CRADD: variants seen among roughly 807,000 people sequenced by gnomAD.
The protein encoded by CRADD is CARD and death domain containing adaptor protein, also known as death domain-containing protein CRADD.
A neutral mutation model predicts 15.5 loss-of-function variants in CRADD; 9 were observed. The ratio of observed to expected loss-of-function variants is 0.58; its 90% confidence interval spans 0.35 to 1.01. The LOEUF (loss-of-function observed/expected upper bound fraction) is 1.01, where lower values mean the gene tolerates loss of function less well. Ranked by LOEUF, CRADD falls within the 50% of genes least tolerant of loss-of-function variation. The probability of loss-of-function intolerance (pLI) is 0.02; values close to 1 mark genes in which losing one functional copy is unlikely to be tolerated. For synonymous variants in CRADD, 118 were observed against 107.6 expected (o/e 1.10, Z -0.60); for missense variants, 227 against 250.3 (o/e 0.91, Z 0.63).
At chr12:93,738,413 T>A (rs1457170760) in intron 2 of CRADD, 11 of 702,370 alleles carry the variant, frequency 1.6e-5, no homozygotes, top group Non-Finnish European at 2.9e-5. Context: ...GTTGCCATCA[T>A]CAGGCTTCCT....
chr12:93,846,085 A>T (rs1472720920), intron 2 of CRADD, among the ~76,000 whole-genome samples: 9 of 152,214 alleles, frequency 5.9e-5, no homozygotes, highest in Non-Finnish European at 1.2e-4. Flanking sequence ...TGTCCTCAAG[A>T]TTCATCCATG....
intron 2 of CRADD, among the ~76,000 whole-genome samples, chr12:93,698,519 C>G (rs923272528): frequency 5.9e-5 from 9 of 152,170 alleles, no homozygotes; most frequent in Admixed American, 1.3e-4. Flanking sequence ...TCTTCAGGAA[C>G]TAGGAAGAGC....
chr12:93,789,271 A>C (rs558069076), intron 2 of CRADD, among the ~76,000 whole-genome samples: 1 of 151,970 alleles, frequency 6.6e-6, no homozygotes, highest in African/African-American at 2.4e-5. Flanking sequence ...CCTCCAGCGG[A>C]TTGCCTGGGA....
chr12:93,882,729 T>C (rs1958511587), intron 2 of CRADD, among the ~76,000 whole-genome samples: 1 of 152,206 alleles, frequency 6.6e-6, no homozygotes, highest in African/African-American at 2.4e-5. Context: ...TGGATCGACT[T>C]CTGAAGACAG....
rs573737028 is a variant in CRADD at position 93,738,378 on chromosome 12, T to C, written c.298+59306T>C. On this transcript the variant is annotated intron_variant, in intron 2 of 2. Coordinates refer to ENST00000332896, the MANE Select transcript of CRADD (RefSeq NM_003805.5). ...GACAATCTCACCCTAATTTAACCCT[T>C]TGTGGAATTCTTCCATGAGATGCAG... 8.7e-5 allele frequency: 61 copies of C among 702,322 alleles called. No homozygotes were observed. The African/African-American group carries it at 1.0e-3, about 12-fold the overall frequency. The allele number at this position is 702,322 out of a possible 1,614,324, so 43.5% of individuals were successfully genotyped here. A position where few individuals can be genotyped will look rare whatever the true frequency, so the allele number is the denominator to read the frequency against.
rs76438294 is a variant in CRADD, at chr12:93,832,572, C to A, written c.299-17398C>A. On this transcript the variant is annotated intron_variant, in intron 2 of 2. Transcript: ENST00000332896. Reference sequence around the variant, plus strand: ...ATACTCTTTATTACTTAGTAAACAGCAGCAAAGATAATATCAAGGAACCAT... The same window carrying A: ...ATACTCTTTATTACTTAGTAAACAGAAGCAAAGATAATATCAAGGAACCAT... Among the ~76,000 whole-genome samples the A allele has an allele frequency of 5.3e-3, 812 of 152,258 alleles. 5 individuals are homozygous for A. The highest frequency in any genetic ancestry group is 0.018 in the African/African-American group (760 of 41,548).
intron 2 of CRADD, among the ~76,000 whole-genome samples, chr12:93,717,672 C>G (rs1339034014): frequency 6.6e-6 from 1 of 152,170 alleles, no homozygotes; most frequent in African/African-American, 2.4e-5. Flanking sequence ...AGGCATGCAC[C>G]ACCACATCTG....
chr12:93,777,678 A>G (rs547744356), intron 2 of CRADD, among the ~76,000 whole-genome samples: 58 of 152,322 alleles, frequency 3.8e-4, no homozygotes, highest in African/African-American at 1.4e-3. Context: ...GGAAGTTATG[A>G]TTTTAAGTGA....
intron 2 of CRADD, among the ~76,000 whole-genome samples, chr12:93,811,015 T>C (rs189532347): frequency 6.6e-6 from 1 of 150,890 alleles, no homozygotes; most frequent in African/African-American, 2.4e-5. Context: ...TTTAGTTGTT[T>C]CTGGCTTAAG....
intron 2 of CRADD, among the ~76,000 whole-genome samples, chr12:93,692,610 A>G (rs970824653): frequency 1.1e-4 from 17 of 152,194 alleles, no homozygotes; most frequent in Non-Finnish European, 2.9e-5. Flanking sequence ...ATTGCTAACA[A>G]TGAATAGTGT....
intron 2 of CRADD, among the ~76,000 whole-genome samples, chr12:93,702,405 C>G (rs1955859279): frequency 1.3e-5 from 2 of 151,920 alleles, no homozygotes; most frequent in African/African-American, 4.8e-5. Context: ...ACATCATTAA[C>G]TGCCCCACAT....
chr12:93,766,164 C>G (rs1284550318), intron 2 of CRADD, among the ~76,000 whole-genome samples: 1 of 152,128 alleles, frequency 6.6e-6, no homozygotes, highest in Non-Finnish European at 1.5e-5. Flanking sequence ...ATCGTTCATC[C>G]TCTGACAGCT....
chr12:93,786,694 AAT>A (rs1246523005), intron 2 of CRADD, among the ~76,000 whole-genome samples: 1 of 152,206 alleles, frequency 6.6e-6, no homozygotes, highest in Non-Finnish European at 1.5e-5. Context: ...AGTAAAACCA[AAT>A]AGATCTGTCA....
chr12:93,880,666 T>C (rs1359268289), intron 2 of CRADD, among the ~76,000 whole-genome samples: 3 of 150,768 alleles, frequency 2.0e-5, no homozygotes, highest in Non-Finnish European at 4.4e-5. Flanking sequence ...ACCCCTACCA[T>C]GCTTCGAAAG....
rs1958195756 is a variant in CRADD at position 93,850,109 on chromosome 12, C to T, written c.438C>T (p.Tyr146=). 3.1e-6 allele frequency: 5 copies of T among 1,614,082 alleles called. No individual in the cohort carries two copies. The highest frequency in any genetic ancestry group is 4.2e-6 in the Non-Finnish European group (5 of 1,179,906). The stretch of plus-strand genomic sequence containing the variant: ...TGGGACTGTCCCAGACGGATATCTA[C>T]CGCTGTAAGGCCAACCACCCCCACA... ...LSLGLSQTDI[Y]RCKANHPHNV... The change falls in exon 3 of 3, where the codon TAC becomes TAT. Residue 146 remains tyrosine, a synonymous_variant. Coordinates refer to ENST00000332896, the MANE Select transcript of CRADD (RefSeq NM_003805.5). The surrounding 1 kb of genome is among the most constrained non-coding windows in gnomAD (Gnocchi z 4.0).
At chr12:93,772,961 A>C (rs888797555) in intron 2 of CRADD, among the ~76,000 whole-genome samples, 9 of 152,220 alleles carry the variant, frequency 5.9e-5, no homozygotes, top group Non-Finnish European at 1.2e-4. Flanking sequence ...ATCATCTCCC[A>C]AAAAATAAAG....
chr12:93,819,568 A>C (rs2137017025), intron 2 of CRADD, among the ~76,000 whole-genome samples: 1 of 152,372 alleles, frequency 6.6e-6, no homozygotes, highest in East Asian at 1.9e-4. Context: ...TCATTTAAGA[A>C]AGTGAATATA....
intron 2 of CRADD, among the ~76,000 whole-genome samples, chr12:93,749,153 G>T (rs1245692559): frequency 6.6e-6 from 1 of 152,230 alleles, no homozygotes; most frequent in Admixed American, 6.5e-5. Flanking sequence ...GAGGGTGGAT[G>T]GGTGAGTGAG....
intron 2 of CRADD, among the ~76,000 whole-genome samples, chr12:93,806,465 A>C (rs946915350): frequency 8.7e-5 from 13 of 149,448 alleles, no homozygotes; most frequent in Non-Finnish European, 1.6e-4. Context: ...AAAAAAAAAA[A>C]AAAAAAACAA....
Sources: gnomAD v4.1 joint callset for allele counts (sites outside exome capture counted in the v4.1 genomes callset) on GRCh38, gnomAD v4.1.1 for gene constraint, Gnocchi (gnomAD v3.1) non-coding constraint, MANE v1.5 for transcripts, NCBI Gene and HGNC (gene_info 2026-07-23, HGNC 2026-07-21) for gene names.